The following EPHX4 variants were observed in gnomAD, a reference collection of about 807,000 sequenced individuals.
The protein encoded by EPHX4 is abhydrolase domain containing 7.
A neutral mutation model predicts 44.9 loss-of-function variants in EPHX4; 31 were observed. That is an observed-to-expected ratio of 0.69 (90% confidence interval 0.52 to 0.93). The LOEUF (loss-of-function observed/expected upper bound fraction) is 0.93, where lower values mean the gene tolerates loss of function less well. EPHX4 is among the 40% of genes least tolerant of loss of function. The pLI, the probability that EPHX4 is intolerant of heterozygous loss-of-function variation, is 0.00. For synonymous variants in EPHX4, 151 were observed against 159.7 expected, an observed-to-expected ratio of 0.95 and a Z score of 0.41; for missense variants, 373 against 438.1, an observed-to-expected ratio of 0.85 and a Z score of 1.33.
At chr1:92,047,100 A>G (rs979683718) in intron 4 of EPHX4, among the ~76,000 whole-genome samples, 1 of 152,240 alleles carries the variant, frequency 6.6e-6, no homozygotes, top group African/African-American at 2.4e-5. Context: ...TCTGATTTTT[A>G]TCAATGGCAC....
chr1:92,043,298 G>T, intron 3 of EPHX4: 1 of 176,550 alleles, frequency 5.7e-6, no homozygotes, highest in Non-Finnish European at 1.2e-5. Context: ...GATCACCTGA[G>T]GTCAGAGTTT....
chr1:92,051,280 C>T (rs943664431), intron 5 of EPHX4, among the ~76,000 whole-genome samples: 1 of 151,402 alleles, frequency 6.6e-6, no homozygotes, highest in South Asian at 2.1e-4. Context: ...ACTATCAAAC[C>T]TAACAGAATA....
At position 92,047,525 on chromosome 1, in the gene EPHX4, A is replaced by G. The variant is rs186017584; in HGVS notation, c.604+1865A>G. Among the ~76,000 whole-genome samples, 13 of 152,306 alleles carry G rather than the reference A, an allele frequency of 8.5e-5. No homozygotes were observed. In the East Asian group the frequency reaches 2.5e-3, roughly 29 times the overall value. Reference sequence around the variant, plus strand: ...CAGAACTGCTTTATGTGTACTTTCTATTTAATTACATAGAATATTAAAAAG... The same window carrying G: ...CAGAACTGCTTTATGTGTACTTTCTGTTTAATTACATAGAATATTAAAAAG... On this transcript the variant is annotated intron_variant, in intron 4 of 6. Transcript: ENST00000370383.
intron 6 of EPHX4, among the ~76,000 whole-genome samples, chr1:92,060,441 CAAA>C (rs111746173): frequency 8.4e-6 from 1 of 119,294 alleles, no homozygotes; most frequent in African/African-American, 3.0e-5. Context: ...GACCCTGTCT[CAAA>C]AAAAAAAAAT....
rs1688330646 is a variant in EPHX4 at position 92,030,101 on chromosome 1, C to T, written c.22C>T (p.Leu8=). ...CCCAATGGCGAGGCTGCGGGATTGC[C>T]TGCCCCGCCTGATGCTCACGCTCCG... MARLRDC[L]PRLMLTLRSL... Residue 8 remains leucine (L), a synonymous_variant, in exon 1 of 7, where the codon CTG becomes TTG. Transcript: ENST00000370383. The T allele has an allele frequency of 1.2e-6, 2 of 1,605,606 alleles. No individual in the cohort carries two copies. The highest frequency in any genetic ancestry group is 1.7e-5 in the Admixed American group (1 of 59,318).
At chr1:92,046,408 G>C (rs1376519372) in intron 4 of EPHX4, among the ~76,000 whole-genome samples, 1 of 152,150 alleles carries the variant, frequency 6.6e-6, no homozygotes, top group Non-Finnish European at 1.5e-5. Flanking sequence ...TCAGATAACT[G>C]TGGATTTTCT....
intron 5 of EPHX4, among the ~76,000 whole-genome samples, chr1:92,051,072 A>G (rs551996657): frequency 1.3e-5 from 2 of 152,228 alleles, no homozygotes; most frequent in East Asian, 1.9e-4. Context: ...GCCTCAAGCA[A>G]TCCTCCCACC....
chr1:92,034,183 C>G (rs1471794158), intron 2 of EPHX4, among the ~76,000 whole-genome samples: 1 of 150,164 alleles, frequency 6.7e-6, no homozygotes. Context: ...GCCTGTACTC[C>G]CAGCTACTCG....
At chr1:92,053,999 A>G (rs1379596897) in intron 6 of EPHX4, among the ~76,000 whole-genome samples, 1 of 152,158 alleles carries the variant, frequency 6.6e-6, no homozygotes, top group South Asian at 2.1e-4. Context: ...ATAGAGTGAA[A>G]GATAAGACAT....
chr1:92,036,705 A>T (rs1001003540), intron 2 of EPHX4, among the ~76,000 whole-genome samples: 2 of 152,236 alleles, frequency 1.3e-5, no homozygotes, highest in South Asian at 2.1e-4. Flanking sequence ...ACAAACGCAG[A>T]TAGCTCAGCT....
chr1:92,047,399 C>CAA (rs572683255), intron 4 of EPHX4, among the ~76,000 whole-genome samples: 38 of 111,426 alleles, frequency 3.4e-4, no homozygotes, highest in African/African-American at 6.6e-4. Flanking sequence ...GACCCTGTCT[C>CAA]AAAAAAAAAA....
chr1:92,038,009 G>T (rs1688464827), intron 2 of EPHX4, among the ~76,000 whole-genome samples: 1 of 152,066 alleles, frequency 6.6e-6, no homozygotes, highest in Admixed American at 6.5e-5. Context: ...TTTTATTTAT[G>T]AACTTCAGGA....
chr1:92,051,331 T>G (rs1647246499), intron 5 of EPHX4, among the ~76,000 whole-genome samples: 1 of 152,164 alleles, frequency 6.6e-6, no homozygotes, highest in South Asian at 2.1e-4. Flanking sequence ...CATTCAAATT[T>G]CATTAACTGT....
chr1:92,057,183 T>C (rs560588958), intron 6 of EPHX4, among the ~76,000 whole-genome samples: 3 of 152,074 alleles, frequency 2.0e-5, no homozygotes, highest in African/African-American at 7.2e-5. Flanking sequence ...TTAAATTACA[T>C]ATATAAAGCA....
chr1:92,060,816 CTG>C (rs1646383141), intron 6 of EPHX4, among the ~76,000 whole-genome samples: 1 of 151,942 alleles, frequency 6.6e-6, no homozygotes, highest in Admixed American at 6.6e-5. Context: ...ATGCAGATAA[CTG>C]TTAGAAAATG....
intron 6 of EPHX4, among the ~76,000 whole-genome samples, chr1:92,055,485 TA>T (rs1333015052): frequency 3.3e-5 from 5 of 152,226 alleles, no homozygotes; most frequent in African/African-American, 1.2e-4. Context: ...AACTTACAAA[TA>T]TATATATATC....
At chr1:92,061,782 G>C (rs1483897947) in intron 6 of EPHX4, among the ~76,000 whole-genome samples, 1 of 152,164 alleles carries the variant, frequency 6.6e-6, no homozygotes, top group Non-Finnish European at 1.5e-5. Flanking sequence ...CGTGTACTGT[G>C]TATAAATTGT....
At chr1:92,035,019 A>T (rs1688416219) in intron 2 of EPHX4, among the ~76,000 whole-genome samples, 1 of 152,218 alleles carries the variant, frequency 6.6e-6, no homozygotes, top group Admixed American at 6.5e-5. Flanking sequence ...ACTAGGAGGT[A>T]TTAGGCATTG....
chr1:92,040,999 A>G (rs1045567585), intron 2 of EPHX4, among the ~76,000 whole-genome samples: 3 of 151,806 alleles, frequency 2.0e-5, no homozygotes, highest in Non-Finnish European at 2.9e-5. Flanking sequence ...TTTTTAATGC[A>G]TATTTTGAGT....
Sources: allele counts gnomAD v4.1 joint callset (sites outside exome capture counted in the v4.1 genomes callset), GRCh38; gene constraint gnomAD v4.1.1; transcripts MANE v1.5; gene names NCBI Gene and HGNC (gene_info 2026-07-23, HGNC 2026-07-21).